The following PTPRK variants were observed in gnomAD, a reference collection of about 807,000 sequenced individuals.
PTPRK encodes receptor-type tyrosine-protein phosphatase kappa.
A neutral mutation model predicts 178.0 loss-of-function variants in PTPRK; 75 were observed. That is an observed-to-expected ratio of 0.42 (90% CI 0.35 to 0.51). The LOEUF (loss-of-function observed/expected upper bound fraction) is 0.51, where lower values mean the gene tolerates loss of function less well. Among genes scored for constraint, PTPRK ranks in the 20% least tolerant of loss-of-function variants. PTPRK has a pLI of 0.02. For missense variants in PTPRK, 1,441 were observed against 1,797.8 expected (o/e 0.80, Z 3.59); for synonymous variants, 637 against 620.6 (o/e 1.03, Z -0.39).
rs149663074 is a variant in PTPRK, at chr6:128,444,594, T to C, written c.101-46906A>G. 4.5e-3 allele frequency among the ~76,000 whole-genome samples: 678 copies of C among 152,324 alleles called. 5 individuals are homozygous for C. The highest frequency in any genetic ancestry group is 0.015 in the African/African-American group (643 of 41,588). On this transcript the variant is annotated intron_variant, in intron 1 of 29. Coordinates refer to ENST00000368226, the MANE Select transcript of PTPRK (RefSeq NM_002844.4). ...TAACTACTGTGCAGCTCTGGTTTTC[T>C]TTAACAGGCTCAAAGAGAGGTCAGG...
intron 7 of PTPRK, among the ~76,000 whole-genome samples, chr6:128,171,896 T>C (rs1373799123): frequency 6.6e-6 from 1 of 151,976 alleles, no homozygotes; most frequent in African/African-American, 2.4e-5. Flanking sequence ...TTCTAAAAGC[T>C]TAGATTTCCA....
At chr6:128,198,275 C>A (rs1304175946) in intron 6 of PTPRK, among the ~76,000 whole-genome samples, 4 of 152,148 alleles carry the variant, frequency 2.6e-5, no homozygotes, top group Admixed American at 2.6e-4. Context: ...AAAATAAATG[C>A]ACTGCCCTTT....
At chr6:128,346,547 C>A (rs1297156562) in intron 2 of PTPRK, among the ~76,000 whole-genome samples, 1 of 151,790 alleles carries the variant, frequency 6.6e-6, no homozygotes, top group Non-Finnish European at 1.5e-5. Context: ...TTTTTAGTTG[C>A]CTAACAAATT....
intron 21 of PTPRK, among the ~76,000 whole-genome samples, chr6:127,986,639 T>C (rs190012922): frequency 3.9e-5 from 6 of 152,236 alleles, no homozygotes; most frequent in East Asian, 1.9e-4. Context: ...AGATGAAATA[T>C]TGCCGAATTT....
intron 13 of PTPRK, among the ~76,000 whole-genome samples, chr6:128,042,447 T>G (rs1016187018): frequency 4.6e-5 from 7 of 152,036 alleles, no homozygotes; most frequent in African/African-American, 1.2e-4. Context: ...TCTGTTTTCT[T>G]GATTTTTCCA....
At chr6:128,148,686 C>A (rs1322686479) in intron 7 of PTPRK, among the ~76,000 whole-genome samples, 1 of 152,032 alleles carries the variant, frequency 6.6e-6, no homozygotes, top group Admixed American at 6.6e-5. Context: ...CGAGCAGAAA[C>A]CAAGGACTGG....
chr6:128,323,170 C>T (rs1431976046), intron 2 of PTPRK, among the ~76,000 whole-genome samples: 1 of 152,090 alleles, frequency 6.6e-6, no homozygotes, highest in Admixed American at 6.6e-5. Context: ...ACTCTCATAG[C>T]TCACATATAG....
intron 3 of PTPRK, among the ~76,000 whole-genome samples, chr6:128,286,647 C>G (rs1402436725): frequency 6.6e-6 from 1 of 152,146 alleles, no homozygotes; most frequent in Non-Finnish European, 1.5e-5. Context: ...TGTTTCCCAC[C>G]ACTAGCTACA....
intron 5 of PTPRK, among the ~76,000 whole-genome samples, chr6:128,239,220 C>G (rs540130733): frequency 2.0e-5 from 3 of 150,158 alleles, no homozygotes; most frequent in African/African-American, 4.9e-5. Context: ...TGCAGAGAAC[C>G]TAAAAAATAA....
At position 127,972,993 on chromosome 6, in the gene PTPRK, C is replaced by A. The variant is rs763400743; in HGVS notation, c.4269+29G>T. ...ATATGACTAACTAATCTCTAAGATG[C>A]CTTCCAAATCTAAGATTCTGTGACT... On this transcript the variant is annotated intron_variant, in intron 29 of 29. Coordinates refer to ENST00000368226, the MANE Select transcript of PTPRK (RefSeq NM_002844.4). The A allele has an allele frequency of 3.7e-6, 6 of 1,607,340 alleles. No individual in the cohort carries two copies. In the Admixed American group the frequency reaches 1.0e-4, roughly 27 times the overall value.
intron 10 of PTPRK, 34 bp from the exon 11 acceptor site, chr6:128,078,952 A>AT: frequency 1.4e-6 from 2 of 1,394,102 alleles, no homozygotes; most frequent in South Asian, 2.3e-5. Flanking sequence ...AAAAGGTTCA[A>AT]TTAATTTACA....
chr6:128,095,024 T>C (rs900499227), intron 7 of PTPRK, among the ~76,000 whole-genome samples: 10 of 151,878 alleles, frequency 6.6e-5, no homozygotes, highest in Admixed American at 2.0e-4. Context: ...TAAGCACATA[T>C]GTTACAAATT....
intron 13 of PTPRK, among the ~76,000 whole-genome samples, chr6:128,015,885 T>C (rs915523544): frequency 2.6e-5 from 4 of 151,828 alleles, no homozygotes; most frequent in Non-Finnish European, 5.9e-5. Context: ...GCCAACCCCA[T>C]TTAAATTATA....
intron 1 of PTPRK, among the ~76,000 whole-genome samples, chr6:128,446,815 G>C (rs1353245976): frequency 6.6e-6 from 1 of 152,024 alleles, no homozygotes; most frequent in Non-Finnish European, 1.5e-5. Flanking sequence ...AAAACAGTAG[G>C]GGAAAAATGC....
At chr6:128,146,660 C>T (rs1458410828) in intron 7 of PTPRK, among the ~76,000 whole-genome samples, 1 of 151,984 alleles carries the variant, frequency 6.6e-6, no homozygotes, top group East Asian at 1.9e-4. Flanking sequence ...GATTTCCTGA[C>T]CTCGTGATCC....
chr6:128,395,693 GA>G (rs1840210010), intron 2 of PTPRK, among the ~76,000 whole-genome samples: 1 of 151,860 alleles, frequency 6.6e-6, no homozygotes, highest in Non-Finnish European at 1.5e-5. Context: ...ACCTTTGAAA[GA>G]AAAAATACAA....
chr6:128,283,483 AG>A (rs1822001827), intron 3 of PTPRK, among the ~76,000 whole-genome samples: 1 of 152,142 alleles, frequency 6.6e-6, no homozygotes, highest in Admixed American at 6.5e-5. Context: ...GGGGAAAGAG[AG>A]GGCTTTTTAG....
Position 128,483,234 on chromosome 6 carries a change from C to T in PTPRK, c.100+37025G>A, listed in dbSNP as rs1056593776. 5.9e-5 allele frequency among the ~76,000 whole-genome samples: 9 copies of T among 152,100 alleles called. 1 individual carries two copies. The East Asian group carries it at 1.5e-3, about 26-fold the overall frequency. ...AAATTCATTTACATCTTGTTTCTAC[C>T]ACTCGAAATGTTTAAAAGCAAAAAA... On this transcript the variant is annotated intron_variant, in intron 1 of 29. Transcript: ENST00000368226.
intron 7 of PTPRK, among the ~76,000 whole-genome samples, chr6:128,128,777 A>G (rs142693461): frequency 1.3e-5 from 2 of 152,282 alleles, no homozygotes; most frequent in African/African-American, 4.8e-5. Flanking sequence ...TATACACTCA[A>G]CTCTCAAGAG....
Sources: allele counts gnomAD v4.1 joint callset (sites outside exome capture counted in the v4.1 genomes callset), GRCh38; gene constraint gnomAD v4.1.1; transcripts MANE v1.5; gene names NCBI Gene and HGNC (gene_info 2026-07-23, HGNC 2026-07-21).